Variants in DLG2 observed in about 807,000 individuals in gnomAD.
DLG2 encodes the protein disks large homolog 2.
In DLG2, 45 loss-of-function variants were observed where a neutral mutation model predicts 132.5. The observed-to-expected ratio is 0.34, with a 90% confidence interval of 0.27 to 0.44. The LOEUF (loss-of-function observed/expected upper bound fraction) is 0.44, where lower values mean the gene tolerates loss of function less well. Ranked by LOEUF, DLG2 falls within the 20% of genes least tolerant of loss-of-function variation. DLG2 has a pLI of 1.00. For missense variants in DLG2, 1,045 were observed against 1,196.9 expected, an observed-to-expected ratio of 0.87 and a Z score of 1.87; for synonymous variants, 424 against 419.6, an observed-to-expected ratio of 1.01 and a Z score of -0.13.
At chr11:84,241,422 T>C (rs1227546453) in intron 8 of DLG2, among the ~76,000 whole-genome samples, 1 of 152,208 alleles carries the variant, frequency 6.6e-6, no homozygotes, top group Admixed American at 6.5e-5. Context: ...CTCACTTTCC[T>C]AGAAGAAGCA....
chr11:83,970,735 A>G (rs183158955), intron 12 of DLG2, among the ~76,000 whole-genome samples: 6 of 152,326 alleles, frequency 3.9e-5, no homozygotes, highest in Admixed American at 2.0e-4. Context: ...TGACAGGCAC[A>G]ATACAGTTCT....
At chr11:83,957,828 A>G (rs1395804701) in intron 14 of DLG2, among the ~76,000 whole-genome samples, 1 of 152,030 alleles carries the variant, frequency 6.6e-6, no homozygotes, top group Non-Finnish European at 1.5e-5. Flanking sequence ...TTGGAATGCT[A>G]TTTCTCTGAT....
At chr11:84,218,267 G>A (rs2096863761) in intron 8 of DLG2, among the ~76,000 whole-genome samples, 1 of 146,386 alleles carries the variant, frequency 6.8e-6, no homozygotes, top group African/African-American at 2.6e-5. Flanking sequence ...GAGGGAGGGA[G>A]GGAAAAAGGG....
chr11:85,331,247 T>G (rs1225531643), intron 3 of DLG2, among the ~76,000 whole-genome samples: 1 of 152,160 alleles, frequency 6.6e-6, no homozygotes, highest in Non-Finnish European at 1.5e-5. Context: ...AACATTAATA[T>G]GACAAAATAT....
At chr11:85,358,703 C>T (rs2083923672) in intron 3 of DLG2, among the ~76,000 whole-genome samples, 1 of 152,160 alleles carries the variant, frequency 6.6e-6, no homozygotes, top group Admixed American at 6.5e-5. Flanking sequence ...TAGCTGGAAC[C>T]AAACACTGAA....
chr11:83,639,140 G>GA (rs2065669435), intron 18 of DLG2, among the ~76,000 whole-genome samples: 1 of 152,154 alleles, frequency 6.6e-6, no homozygotes, highest in Non-Finnish European at 1.5e-5. Flanking sequence ...TCTGAGATAA[G>GA]AAAACAATAC....
intron 18 of DLG2, among the ~76,000 whole-genome samples, chr11:83,734,618 T>A (rs186203416): frequency 1.3e-5 from 2 of 152,040 alleles, no homozygotes; most frequent in Admixed American, 6.6e-5. Flanking sequence ...GCCAGGCTAT[T>A]TTTTTGTATT....
At chr11:84,534,211 C>G (rs963889186) in intron 7 of DLG2, among the ~76,000 whole-genome samples, 2 of 152,056 alleles carry the variant, frequency 1.3e-5, no homozygotes, top group African/African-American at 4.8e-5. Context: ...TATATTTGTT[C>G]CCTTTGTTGG....
chr11:85,293,414 G>T (rs72950168), intron 3 of DLG2, among the ~76,000 whole-genome samples: 7,567 of 152,112 alleles, frequency 0.05, 244 homozygotes, highest in East Asian at 0.095. Flanking sequence ...AAAATAAAAA[G>T]GTACTTATAA....
intron 3 of DLG2, among the ~76,000 whole-genome samples, chr11:85,288,810 G>T (rs1026568767): frequency 6.6e-6 from 1 of 151,812 alleles, no homozygotes; most frequent in East Asian, 1.9e-4. Context: ...TCTCTGTATC[G>T]TTTTATAGGA....
intron 6 of DLG2, among the ~76,000 whole-genome samples, chr11:85,013,656 C>G (rs920734620): frequency 6.6e-6 from 1 of 151,884 alleles, no homozygotes; most frequent in Non-Finnish European, 1.5e-5. Flanking sequence ...TCAAAATCTT[C>G]AAATATAGAA....
At chr11:84,588,259 A>G (rs751108787) in intron 6 of DLG2, among the ~76,000 whole-genome samples, 14 of 152,190 alleles carry the variant, frequency 9.2e-5, no homozygotes, top group Non-Finnish European at 1.6e-4. Context: ...GCTGTCTCCC[A>G]GGTTTAGAAT....
rs746640952 is a variant in DLG2 at position 83,541,635 on chromosome 11, G to A, written c.2117+47C>T. The A allele has an allele frequency of 8.8e-5, 129 of 1,469,168 alleles. No individual in the cohort carries two copies. The Admixed American group carries it at 9.2e-4, about 11-fold the overall frequency. The allele number at this position is 1,469,168 out of a possible 1,614,324, so 91.0% of individuals were successfully genotyped here. A position where few individuals can be genotyped will look rare whatever the true frequency, so the allele number is the denominator to read the frequency against. On this transcript the variant is annotated intron_variant, in intron 20 of 27. Transcript: ENST00000376104. ...CCTTCTTCTTCCCTCATCTCCACTC[G>A]CTGGATAGCTGACAAGCAAATATTC...
intron 7 of DLG2, among the ~76,000 whole-genome samples, chr11:84,370,291 T>C (rs1364687456): frequency 6.6e-6 from 1 of 152,162 alleles, no homozygotes; most frequent in African/African-American, 2.4e-5. Context: ...AAAATCCTTA[T>C]GAAAATTTGA....
At chr11:85,278,540 C>A (rs763181865) in intron 4 of DLG2, among the ~76,000 whole-genome samples, 1 of 151,702 alleles carries the variant, frequency 6.6e-6, no homozygotes, top group African/African-American at 2.4e-5. Flanking sequence ...GTGGAGATTG[C>A]GGTGAGCCGA....
At chr11:84,849,337 A>G (rs1181946492) in intron 6 of DLG2, among the ~76,000 whole-genome samples, 8 of 152,312 alleles carry the variant, frequency 5.3e-5, no homozygotes, top group African/African-American at 1.9e-4. Flanking sequence ...CATGTCGCTC[A>G]TTCACCTAAC....
intron 7 of DLG2, among the ~76,000 whole-genome samples, chr11:84,257,999 T>C (rs1264250290): frequency 6.6e-6 from 1 of 152,112 alleles, no homozygotes; most frequent in Non-Finnish European, 1.5e-5. Context: ...ATCCTAATTT[T>C]TGCTGTTGAT....
chr11:85,050,346 A>G (rs2154153795), intron 6 of DLG2, among the ~76,000 whole-genome samples: 1 of 152,214 alleles, frequency 6.6e-6, no homozygotes, highest in South Asian at 2.1e-4. Flanking sequence ...CCTTTCTAAA[A>G]GCAGAAAACA....
At chr11:84,261,804 G>C (rs756271359) in intron 7 of DLG2, among the ~76,000 whole-genome samples, 84 of 152,230 alleles carry the variant, frequency 5.5e-4, no homozygotes, top group African/African-American at 1.9e-3. Flanking sequence ...TATTGGACTA[G>C]AGCCACAGCA....
Sources: gnomAD v4.1 joint callset for allele counts (sites outside exome capture counted in the v4.1 genomes callset) on GRCh38, gnomAD v4.1.1 for gene constraint, MANE v1.5 for transcripts, NCBI Gene and HGNC (gene_info 2026-07-23, HGNC 2026-07-21) for gene names.